DOK6: variants seen among roughly 807,000 people sequenced by gnomAD.
DOK6 encodes docking protein 6.
Under a neutral mutation model 44.0 loss-of-function variants are expected in DOK6, and 22 were observed. That is an observed-to-expected ratio of 0.50 (90% CI 0.36 to 0.71). The LOEUF is 0.71. Among genes scored for constraint, DOK6 ranks in the 30% least tolerant of loss-of-function variants. The pLI, the probability that DOK6 is intolerant of heterozygous loss-of-function variation, is 0.00. For missense variants in DOK6, 340 were observed against 416.4 expected (o/e 0.82, Z 1.60); for synonymous variants, 166 against 145.5 (o/e 1.14, Z -1.01).
chr18:69,539,357 G>T (rs978319378), intron 1 of DOK6, among the ~76,000 whole-genome samples: 1 of 151,934 alleles, frequency 6.6e-6, no homozygotes, highest in African/African-American at 2.4e-5. Flanking sequence ...TTCTGTAGTG[G>T]AAACTTATTT....
intron 1 of DOK6, among the ~76,000 whole-genome samples, chr18:69,425,254 T>C (rs1367566745): frequency 6.6e-6 from 1 of 151,990 alleles, no homozygotes; most frequent in Non-Finnish European, 1.5e-5. Flanking sequence ...TTTTATTATA[T>C]ATATTTATGT....
chr18:69,674,603 C>A (rs769019884), intron 3 of DOK6, among the ~76,000 whole-genome samples: 1 of 151,918 alleles, frequency 6.6e-6, no homozygotes, highest in Non-Finnish European at 1.5e-5. Context: ...GCACACACAC[C>A]CACACATTAC....
chr18:69,721,447 A>C (rs1978288595), intron 5 of DOK6: 2 of 152,246 alleles, frequency 1.3e-5, no homozygotes, highest in Admixed American at 1.3e-4. Context: ...CAAAATTTCC[A>C]TAAAAATATG....
intron 2 of DOK6, among the ~76,000 whole-genome samples, chr18:69,597,461 A>G (rs1983770640): frequency 6.6e-6 from 1 of 152,206 alleles, no homozygotes. Flanking sequence ...AACTTAGGGC[A>G]AACAGCACTG....
At chr18:69,527,996 T>A (rs1038618139) in intron 1 of DOK6, among the ~76,000 whole-genome samples, 3 of 151,964 alleles carry the variant, frequency 2.0e-5, no homozygotes, top group African/African-American at 7.3e-5. Flanking sequence ...ACCCTGTCTC[T>A]ACTAAAAATA....
At chr18:69,712,329 T>TAA in intron 5 of DOK6, among the ~76,000 whole-genome samples, 1 of 54,228 alleles carries the variant, frequency 1.8e-5, no homozygotes, top group Non-Finnish European at 3.9e-5. Flanking sequence ...AAAAAAAATT[T>TAA]AACCTTTTCC....
chr18:69,741,069 C>T (rs934848191), intron 6 of DOK6, among the ~76,000 whole-genome samples: 2 of 152,136 alleles, frequency 1.3e-5, no homozygotes, highest in African/African-American at 4.8e-5. Context: ...TCAATGTAAC[C>T]ACAGGCAGTC....
intron 7 of DOK6, among the ~76,000 whole-genome samples, chr18:69,804,160 TTGTC>T (rs1475918984): frequency 6.6e-6 from 1 of 152,176 alleles, no homozygotes; most frequent in African/African-American, 2.4e-5. Flanking sequence ...GAGAGCATGT[TTGTC>T]TGTTGTTTTA....
chr18:69,698,614 C>G, intron 5 of DOK6, 21 bp downstream of exon 5: 1 of 1,607,050 alleles, frequency 6.2e-7, no homozygotes, highest in East Asian at 2.2e-5. Context: ...GTGCAGCAGC[C>G]AAGTGCAGGA....
chr18:69,544,141 A>G (rs1982339823), intron 1 of DOK6, among the ~76,000 whole-genome samples: 1 of 150,534 alleles, frequency 6.6e-6, no homozygotes, highest in South Asian at 2.1e-4. Flanking sequence ...ATCTGTAATC[A>G]CAGCTATGTG....
chr18:69,714,493 C>T (rs1986838029), intron 5 of DOK6, among the ~76,000 whole-genome samples: 1 of 152,060 alleles, frequency 6.6e-6, no homozygotes, highest in South Asian at 2.1e-4. Context: ...ATAATTTCAT[C>T]CTTTTTATTG....
intron 7 of DOK6, among the ~76,000 whole-genome samples, chr18:69,822,115 G>C (rs1165370511): frequency 1.3e-5 from 2 of 152,110 alleles, no homozygotes; most frequent in African/African-American, 2.4e-5. Context: ...ATTAAGACTT[G>C]ATAATGCATT....
chr18:69,595,264 C>T (rs1244409257), intron 2 of DOK6, among the ~76,000 whole-genome samples: 6 of 152,164 alleles, frequency 3.9e-5, no homozygotes, highest in Non-Finnish European at 8.8e-5. Context: ...CTAATCTAAG[C>T]ACAACAGTTT....
intron 1 of DOK6, among the ~76,000 whole-genome samples, chr18:69,511,592 GA>G (rs1405439798): frequency 6.6e-6 from 1 of 152,066 alleles, no homozygotes. Context: ...TATACCACAG[GA>G]GATAGTAGCA....
chr18:69,754,789 T>C (rs1431993395), intron 6 of DOK6, among the ~76,000 whole-genome samples: 5 of 152,348 alleles, frequency 3.3e-5, no homozygotes, highest in South Asian at 2.1e-4. Flanking sequence ...CACACTTATA[T>C]CTTCCCTTAA....
At chr18:69,578,772 A>G (rs1983295667) in intron 2 of DOK6, among the ~76,000 whole-genome samples, 1 of 152,210 alleles carries the variant, frequency 6.6e-6, no homozygotes, top group South Asian at 2.1e-4. Context: ...ATTAATGGAA[A>G]GTTATATATT....
At chr18:69,572,734 A>G (rs1210250308) in intron 2 of DOK6, among the ~76,000 whole-genome samples, 1 of 152,038 alleles carries the variant, frequency 6.6e-6, no homozygotes, top group East Asian at 1.9e-4. Flanking sequence ...CCAAGAGAAA[A>G]CTATTTATAA....
chr18:69,655,167 A>G (rs1394076733), intron 3 of DOK6, among the ~76,000 whole-genome samples: 3 of 152,188 alleles, frequency 2.0e-5, no homozygotes, highest in Non-Finnish European at 2.9e-5. Context: ...AATAAATCAC[A>G]AAGAGGGAAA....
intron 1 of DOK6, among the ~76,000 whole-genome samples, chr18:69,480,272 T>G (rs550568868): frequency 1.3e-5 from 2 of 152,244 alleles, no homozygotes; most frequent in East Asian, 3.9e-4. Context: ...ATGATACATG[T>G]GGGAAACTTC....
Sources: gnomAD v4.1 joint callset for allele counts (sites outside exome capture counted in the v4.1 genomes callset) on GRCh38, gnomAD v4.1.1 for gene constraint, MANE v1.5 for transcripts, NCBI Gene and HGNC (gene_info 2026-07-23, HGNC 2026-07-21) for gene names.